THEMIS: variants seen among roughly 807,000 people sequenced by gnomAD.
The protein encoded by THEMIS is protein THEMIS.
A neutral mutation model predicts 52.6 loss-of-function variants in THEMIS; 37 were observed. That is an observed-to-expected ratio of 0.70 (90% CI 0.54 to 0.93). The LOEUF is 0.93. THEMIS is among the 40% of genes least tolerant of loss of function. The pLI is 0.00. For missense variants in THEMIS, 808 were observed against 763.1 expected (o/e 1.06, Z -0.69); for synonymous variants, 292 against 272.7 (o/e 1.07, Z -0.70).
At position 127,788,289 on chromosome 6, in the gene THEMIS, G is replaced by A. The variant is rs559924469; in HGVS notation, c.1758+24594C>T. ...TTCCTCAAAAAGATTGGACTGTGTG[G>A]TAATCTGAAAATATTTCATGGAGAA... On this transcript the variant is annotated intron_variant, in intron 4 of 5. Coordinates refer to ENST00000368248, the MANE Select transcript of THEMIS (RefSeq NM_001010923.3). 6.6e-5 allele frequency among the ~76,000 whole-genome samples: 10 copies of A among 152,232 alleles called. No individual in the cohort carries two copies. In the East Asian group the frequency reaches 1.7e-3, roughly 26 times the overall value.
Position 127,816,001 on chromosome 6 carries a change from G to A in THEMIS, c.710-2070C>T, listed in dbSNP as rs117375781. 2.0e-3 allele frequency among the ~76,000 whole-genome samples: 312 copies of A among 152,216 alleles called. 2 individuals are homozygous for A. The East Asian group carries it at 0.033, about 16-fold the overall frequency. ...AGAAACCCTACAGGCCATGTTATCC[G>A]AACTCTTAAATTTTTTGTATTCAAT... On this transcript the variant is annotated intron_variant, in intron 3 of 5. Transcript: ENST00000368248.
At chr6:127,767,372 G>T (rs191855574) in intron 4 of THEMIS, among the ~76,000 whole-genome samples, 2 of 152,254 alleles carry the variant, frequency 1.3e-5, no homozygotes, top group South Asian at 4.1e-4. Context: ...GATTACAGAC[G>T]TGAGCCACCA....
intron 2 of THEMIS, among the ~76,000 whole-genome samples, chr6:127,851,766 T>C (rs1779433631): frequency 6.6e-6 from 1 of 151,724 alleles, no homozygotes; most frequent in African/African-American, 2.4e-5. Flanking sequence ...TACAGCTACT[T>C]TGGAATATAG....
At chr6:127,895,337 T>C (rs988548996) in intron 1 of THEMIS, among the ~76,000 whole-genome samples, 2 of 151,478 alleles carry the variant, frequency 1.3e-5, no homozygotes, top group African/African-American at 4.8e-5. Context: ...AGAAAAAACA[T>C]TTGTGGTAAG....
intron 4 of THEMIS, among the ~76,000 whole-genome samples, chr6:127,741,558 A>T (rs1439278935): frequency 6.6e-6 from 1 of 152,242 alleles, no homozygotes; most frequent in African/African-American, 2.4e-5. Context: ...AAGCACACAA[A>T]AATCCAGACG....
chr6:127,749,807 A>G (rs1376597710), intron 4 of THEMIS, among the ~76,000 whole-genome samples: 1 of 151,538 alleles, frequency 6.6e-6, no homozygotes, highest in Non-Finnish European at 1.5e-5. Context: ...AGTTTATTAG[A>G]GCAAAATACA....
chr6:127,703,655 C>A (rs1773760447), downstream of THEMIS, among the ~76,000 whole-genome samples: 1 of 152,142 alleles, frequency 6.6e-6, no homozygotes, highest in African/African-American at 2.4e-5. Context: ...AGCTCTCATT[C>A]TTTATTAACA....
chr6:127,822,035 CTA>C (rs1250681071), intron 3 of THEMIS, among the ~76,000 whole-genome samples: 2 of 151,886 alleles, frequency 1.3e-5, no homozygotes, highest in Non-Finnish European at 2.9e-5. Flanking sequence ...ATAATAATCT[CTA>C]TATTTGTTAG....
At chr6:127,900,605 T>TC (rs1439228966) in intron 1 of THEMIS, among the ~76,000 whole-genome samples, 1 of 152,038 alleles carries the variant, frequency 6.6e-6, no homozygotes, top group Non-Finnish European at 1.5e-5. Flanking sequence ...TACAGAAAGC[T>TC]CAAGAAGCTT....
intron 4 of THEMIS, among the ~76,000 whole-genome samples, chr6:127,757,774 T>C (rs1326346925): frequency 6.6e-5 from 10 of 152,098 alleles, no homozygotes; most frequent in Non-Finnish European, 1.5e-4. Context: ...TGAACCACCA[T>C]GCCCGGCCCA....
chr6:127,794,466 C>A (rs138027242), intron 4 of THEMIS, among the ~76,000 whole-genome samples: 1 of 152,254 alleles, frequency 6.6e-6, no homozygotes, highest in Non-Finnish European at 1.5e-5. Context: ...CAGTTTCAGT[C>A]GCAATATTTC....
At chr6:127,820,604 G>T (rs557554536) in intron 3 of THEMIS, among the ~76,000 whole-genome samples, 1 of 152,012 alleles carries the variant, frequency 6.6e-6, no homozygotes, top group South Asian at 2.1e-4. Context: ...TTAGGAATTT[G>T]GCAGATTATC....
intron 1 of THEMIS, among the ~76,000 whole-genome samples, chr6:127,880,539 T>C (rs1483689046): frequency 6.6e-6 from 1 of 150,544 alleles, no homozygotes; most frequent in African/African-American, 2.5e-5. Flanking sequence ...TTTGAATATG[T>C]TTTAAGCTTT....
Position 127,799,870 on chromosome 6 carries a change from A to T in THEMIS, c.1758+13013T>A, listed in dbSNP as rs190728933. On this transcript the variant is annotated intron_variant, in intron 4 of 5. Coordinates refer to ENST00000368248, the MANE Select transcript of THEMIS (RefSeq NM_001010923.3). ...CCGAAGAAGGAGCCAATTGAGGATGATGTATTTCAGAAAATTTTTCCTTGA... is the reference window on the plus strand; with the variant it reads ...CCGAAGAAGGAGCCAATTGAGGATGTTGTATTTCAGAAAATTTTTCCTTGA... 1.9e-4 allele frequency among the ~76,000 whole-genome samples: 29 copies of T among 152,308 alleles called. 1 individual carries two copies. The highest frequency in any genetic ancestry group is 6.5e-4 in the African/African-American group (27 of 41,568).
At chr6:127,797,127 T>G (rs1207138542) in intron 4 of THEMIS, among the ~76,000 whole-genome samples, 3 of 152,234 alleles carry the variant, frequency 2.0e-5, no homozygotes, top group Non-Finnish European at 2.9e-5. Flanking sequence ...CTTCAACTCC[T>G]GCATCCGTGC....
intron 1 of THEMIS, among the ~76,000 whole-genome samples, chr6:127,917,537 G>A (rs997713885): frequency 1.3e-5 from 2 of 152,184 alleles, no homozygotes; most frequent in African/African-American, 4.8e-5. Flanking sequence ...TTGTGTCAAA[G>A]TTCCTCTTGA....
In THEMIS at chr6:127,909,448, C is replaced by T. The variant is rs981972168; in HGVS notation, c.-149-8367G>A. ...GTTTTATAAGGAGCTTCCCCCTTCA[C>T]TTGGCACTCATTCTCCTTCATACTG... On this transcript the variant is annotated intron_variant, in intron 1 of 6. Transcript: ENST00000368250. Among the ~76,000 whole-genome samples, 4 of 152,200 alleles carry T rather than the reference C, an allele frequency of 2.6e-5. No individual in the cohort carries two copies. In the East Asian group the frequency reaches 5.8e-4, roughly 22 times the overall value.
chr6:127,809,394 A>G (rs1777824746), intron 4 of THEMIS, among the ~76,000 whole-genome samples: 1 of 152,180 alleles, frequency 6.6e-6, no homozygotes, highest in Non-Finnish European at 1.5e-5. Flanking sequence ...GAAGAAACTG[A>G]AAGAGCTTCT....
At chr6:127,711,901 G>T (rs898857041) in intron 5 of THEMIS, among the ~76,000 whole-genome samples, 21 of 151,906 alleles carry the variant, frequency 1.4e-4, no homozygotes, top group African/African-American at 4.8e-4. Context: ...CAACTTAACT[G>T]GCTGTGTATT....
Sources: allele counts gnomAD v4.1 joint callset (sites outside exome capture counted in the v4.1 genomes callset), GRCh38; gene constraint gnomAD v4.1.1; transcripts MANE v1.5; gene names NCBI Gene and HGNC (gene_info 2026-07-23, HGNC 2026-07-21).